ATP9B: variants seen among roughly 807,000 people sequenced by gnomAD.
ATP9B encodes the protein ATPase phospholipid transporting 9B, also known as probable phospholipid-transporting ATPase IIB.
Under a neutral mutation model 146.1 loss-of-function variants are expected in ATP9B, and 110 were observed. The observed-to-expected ratio is 0.75, with a 90% CI of 0.65 to 0.88. The LOEUF is 0.88. Among genes scored for constraint, ATP9B ranks in the 40% least tolerant of loss-of-function variants. ATP9B has a pLI of 0.00. For synonymous variants in ATP9B, 604 were observed against 569.7 expected, an observed-to-expected ratio of 1.06 and a Z score of -0.86; for missense variants, 1,499 against 1,496.4, an observed-to-expected ratio of 1.00 and a Z score of -0.03.
chr18:79,123,918 A>G (rs761614196), intron 4 of ATP9B, among the ~76,000 whole-genome samples: 43 of 152,234 alleles, frequency 2.8e-4, no homozygotes, highest in Non-Finnish European at 4.9e-4. Context: ...AAAGTTGCTC[A>G]ACGTCATTAG....
chr18:79,365,464 CA>C (rs1488490845), intron 26 of ATP9B, among the ~76,000 whole-genome samples: 20 of 152,362 alleles, frequency 1.3e-4, no homozygotes, highest in Admixed American at 1.3e-3. Context: ...CAAAGGTAAA[CA>C]TGTATTTACC....
At chr18:79,334,787 C>T (rs1268239933) in intron 17 of ATP9B, among the ~76,000 whole-genome samples, 1 of 151,572 alleles carries the variant, frequency 6.6e-6, no homozygotes, top group East Asian at 1.9e-4. Flanking sequence ...ACGCCCACCC[C>T]CCCCTTGTGC....
Position 79,377,436 on chromosome 18 carries a change from ACCTT to A in ATP9B, c.*54_*57del. 6.3e-7 allele frequency: 1 copy of A among 1,587,720 alleles called. No homozygotes were observed. The highest frequency in any genetic ancestry group is 8.5e-7 in the Non-Finnish European group (1 of 1,170,990). On this transcript the variant is annotated 3_prime_UTR_variant, in exon 30 of 30. Transcript: ENST00000426216. Reference sequence around the variant, plus strand: ...CCCAGCACCTTCTGCCCTTCCCAGCACCTTGTGCCCTTGCCAGTGAACGCAGGGT... The same window carrying A: ...CCCAGCACCTTCTGCCCTTCCCAGCAGTGCCCTTGCCAGTGAACGCAGGGT...
intron 11 of ATP9B, among the ~76,000 whole-genome samples, chr18:79,252,335 C>T (rs1443654432): frequency 1.3e-5 from 2 of 152,208 alleles, no homozygotes; most frequent in African/African-American, 4.8e-5. Context: ...GTGGCAGGGC[C>T]AGCATCTAAA....
intron 12 of ATP9B, among the ~76,000 whole-genome samples, chr18:79,267,467 C>T (rs1422884763): frequency 6.6e-6 from 1 of 151,866 alleles, no homozygotes; most frequent in Non-Finnish European, 1.5e-5. Flanking sequence ...ACCTTCTGCC[C>T]CCTTTGTGAA....
chr18:79,188,946 G>T (rs1173838443), intron 8 of ATP9B, among the ~76,000 whole-genome samples: 2 of 150,600 alleles, frequency 1.3e-5, no homozygotes, highest in African/African-American at 2.4e-5. Context: ...TTTAACTAGA[G>T]TTTTTTAACT....
At chr18:79,213,030 A>G (rs2095597965) in intron 10 of ATP9B, among the ~76,000 whole-genome samples, 2 of 152,202 alleles carry the variant, frequency 1.3e-5, no homozygotes, top group African/African-American at 2.4e-5. Context: ...CCGGGAGTTC[A>G]TATCAATCAT....
At position 79,348,789 on chromosome 18, in the gene ATP9B, CTGGCTAACA is replaced by C. The variant is rs371069786; in HGVS notation, c.2903+598_2903+606del. ...CTGAGGTCAGGAGTTCGAGACCAGC[CTGGCTAACA>C]TGGCGAAACCCTGTCTCTACTAAAA... On this transcript the variant is annotated intron_variant, in intron 25 of 29. Coordinates refer to ENST00000426216, the MANE Select transcript of ATP9B (RefSeq NM_198531.5). Among the ~76,000 whole-genome samples the C allele has an allele frequency of 6.5e-3, 990 of 152,360 alleles. 4 individuals are homozygous for C. The highest frequency in any genetic ancestry group is 0.022 in the African/African-American group (927 of 41,574).
intron 8 of ATP9B, 128 bp downstream of exon 8, chr18:79,177,035 C>G (rs2095182247): frequency 4.0e-6 from 3 of 743,652 alleles, no homozygotes; most frequent in Admixed American, 6.5e-5. Context: ...TTCTTTATTC[C>G]TCATGAAGGT....
At chr18:79,244,169 A>C in intron 11 of ATP9B, among the ~76,000 whole-genome samples, 1 of 151,782 alleles carries the variant, frequency 6.6e-6, no homozygotes, top group South Asian at 2.1e-4. Context: ...AGTTTCTTTA[A>C]AAACACAGTT....
chr18:79,174,061 G>A lies in ATP9B; in HGVS notation c.779-2752G>A, dbSNP rs1010706384. ...GGACTGCACTTTTCCTCCTCTTGTA[G>A]AATCATCATCATTTTTAAAAATTTA... On this transcript the variant is annotated intron_variant, in intron 7 of 29. Transcript: ENST00000426216. 1.5e-4 allele frequency: 44 copies of A among 300,192 alleles called. 1 individual carries two copies. Among genetic ancestry groups the A allele is most frequent in the South Asian group, 1.1e-3 (40 of 35,592 alleles). The allele number at this position is 300,192 out of a possible 1,614,324, so 18.6% of individuals were successfully genotyped here.
In ATP9B at chr18:79,204,803, C is replaced by G. The variant is rs150143372; in HGVS notation, c.955-2134C>G. ...ACCATTGACATCACTGAGAAGACCT[C>G]TTTGTGTCCTTTGTTGTGGCTGGCA... is the stretch of plus-strand genomic sequence containing the variant. On this transcript the variant is annotated intron_variant, in intron 9 of 29. Transcript: ENST00000426216. Among the ~76,000 whole-genome samples, 361 of 152,308 alleles carry G rather than the reference C, an allele frequency of 2.4e-3. 2 individuals carry two copies. Among genetic ancestry groups the G allele is most frequent in the South Asian group, 6.2e-3 (30 of 4,830 alleles).
chr18:79,072,417 A>G (rs984037599), intron 1 of ATP9B, among the ~76,000 whole-genome samples: 2 of 152,204 alleles, frequency 1.3e-5, no homozygotes, highest in African/African-American at 4.8e-5. Flanking sequence ...CCCTTAATCC[A>G]TTTAACCTGG....
chr18:79,138,774 T>TAAA (rs796077711), intron 5 of ATP9B, among the ~76,000 whole-genome samples: 2 of 139,742 alleles, frequency 1.4e-5, no homozygotes. Context: ...GTTCTTACAT[T>TAAA]AAAAAAAAAA....
intron 5 of ATP9B, among the ~76,000 whole-genome samples, chr18:79,127,330 A>AATAC (rs1489236166): frequency 6.6e-6 from 1 of 152,126 alleles, no homozygotes; most frequent in Non-Finnish European, 1.5e-5. Flanking sequence ...AGGAGCCCTG[A>AATAC]ATACATGAGA....
At chr18:79,121,036 C>T (rs1164657810) in intron 4 of ATP9B, among the ~76,000 whole-genome samples, 1 of 152,076 alleles carries the variant, frequency 6.6e-6, no homozygotes, top group East Asian at 1.9e-4. Flanking sequence ...GTCTCAATTC[C>T]CTTATCTGTA....
chr18:79,221,136 G>A (rs56386860), intron 11 of ATP9B, among the ~76,000 whole-genome samples: 19,601 of 152,210 alleles, frequency 0.13, 1,398 homozygotes, highest in East Asian at 0.18. Context: ...CTGTGTGGCC[G>A]AGACCAGGCC....
chr18:79,117,381 A>G (rs959850378), intron 4 of ATP9B: 2 of 152,268 alleles, frequency 1.3e-5, no homozygotes, highest in Non-Finnish European at 2.9e-5. Flanking sequence ...AGGAAAAATG[A>G]GTAGAGGATG....
intron 1 of ATP9B, chr18:79,085,029 G>C (rs1322397739): frequency 1.3e-5 from 2 of 151,914 alleles, no homozygotes. Context: ...AGGTTTAATT[G>C]GCTCGTGCTT....
Sources: gnomAD v4.1 joint callset for allele counts (sites outside exome capture counted in the v4.1 genomes callset) on GRCh38, gnomAD v4.1.1 for gene constraint, MANE v1.5 for transcripts, NCBI Gene and HGNC (gene_info 2026-07-23, HGNC 2026-07-21) for gene names.